Variants in ALDH18A1 observed in about 807,000 individuals in gnomAD.
ALDH18A1 encodes the protein delta-1-pyrroline-5-carboxylate synthase.
A neutral mutation model predicts 88.8 loss-of-function variants in ALDH18A1; 44 were observed. That is an observed-to-expected ratio of 0.50 (90% CI 0.39 to 0.64). ALDH18A1 has a LOEUF of 0.64. Ranked by LOEUF, ALDH18A1 falls within the 30% of genes least tolerant of loss-of-function variation. The pLI is 0.00. For synonymous variants in ALDH18A1, 331 were observed against 372.1 expected (o/e 0.89, Z 1.27); for missense variants, 782 against 1,009.5 (o/e 0.77, Z 3.05).
chr10:95,618,298 T>C (rs571938968), intron 12 of ALDH18A1, among the ~76,000 whole-genome samples: 17 of 152,260 alleles, frequency 1.1e-4, no homozygotes, highest in African/African-American at 3.6e-4. Flanking sequence ...GGCTGTGATA[T>C]GTCAACTTGC....
intron 13 of ALDH18A1, among the ~76,000 whole-genome samples, chr10:95,615,280 C>T (rs1275770200): frequency 1.3e-5 from 2 of 150,316 alleles, no homozygotes; most frequent in African/African-American, 4.9e-5. Flanking sequence ...TGCAGTGAGC[C>T]GAGAGCCAAG....
intron 12 of ALDH18A1, among the ~76,000 whole-genome samples, chr10:95,619,336 TCAATATCATGAAAATGGCCATACTGCC>T (rs2097848620): frequency 1.3e-5 from 2 of 152,130 alleles, no homozygotes; most frequent in Non-Finnish European, 2.9e-5. Flanking sequence ...ATAGGAAGAA[TCAATATCATGAAAATGGCCATACTGCC>T]CAAGGTAATT....
chr10:95,655,040 G>A (rs948550784), intron 1 of ALDH18A1, among the ~76,000 whole-genome samples: 8 of 152,088 alleles, frequency 5.3e-5, no homozygotes, highest in Admixed American at 2.6e-4. Flanking sequence ...TGGCAAAAAC[G>A]ATGAGGAACA....
chr10:95,607,218 C>T (rs2097824402), intron 17 of ALDH18A1, among the ~76,000 whole-genome samples: 1 of 152,172 alleles, frequency 6.6e-6, no homozygotes, highest in East Asian at 1.9e-4. Context: ...AATACAAGTG[C>T]TGTCTCTTTT....
At chr10:95,626,675 T>A (rs748387464) in intron 10 of ALDH18A1, 28 bp downstream of exon 10, 18 of 1,610,488 alleles carry the variant, frequency 1.1e-5, no homozygotes, top group Non-Finnish European at 1.5e-5. Context: ...CTGAAAACTA[T>A]AACAATATTA....
intron 7 of ALDH18A1, among the ~76,000 whole-genome samples, chr10:95,629,160 T>C (rs750214720): frequency 3.3e-5 from 5 of 152,124 alleles, no homozygotes; most frequent in Non-Finnish European, 7.4e-5. Flanking sequence ...TGAAAAACCC[T>C]CACAATTTCA....
intron 15 of ALDH18A1, among the ~76,000 whole-genome samples, chr10:95,612,347 G>A (rs2097836656): frequency 1.3e-5 from 2 of 152,176 alleles, no homozygotes; most frequent in South Asian, 4.1e-4. Flanking sequence ...TTCTGAGGCT[G>A]GTCACCGAGG....
intron 8 of ALDH18A1, 131 bp downstream of exon 8, chr10:95,628,237 A>C: frequency 3.7e-5 from 44 of 1,190,476 alleles, no homozygotes; most frequent in Non-Finnish European, 5.1e-5. Flanking sequence ...GTATTTAGGT[A>C]TGTACATATT....
At chr10:95,652,209 G>T (rs950268702) in intron 2 of ALDH18A1, among the ~76,000 whole-genome samples, 1 of 152,182 alleles carries the variant, frequency 6.6e-6, no homozygotes, top group African/African-American at 2.4e-5. Flanking sequence ...GTTGGCCAGG[G>T]GTTAGTAATA....
chr10:95,651,169 C>T (rs80239197), intron 2 of ALDH18A1, among the ~76,000 whole-genome samples: 8,852 of 152,104 alleles, frequency 0.058, 368 homozygotes, highest in Middle Eastern at 0.14. Context: ...GAGCTAAAGA[C>T]ATGAACTAAC....
intron 15 of ALDH18A1, among the ~76,000 whole-genome samples, chr10:95,613,387 C>T (rs2097838992): frequency 6.6e-6 from 1 of 151,964 alleles, no homozygotes; most frequent in African/African-American, 2.4e-5. Flanking sequence ...GTTTCTGCAC[C>T]ATCTTTTCAA....
intron 5 of ALDH18A1, among the ~76,000 whole-genome samples, chr10:95,634,122 A>G (rs1247134325): frequency 6.6e-6 from 1 of 152,172 alleles, no homozygotes; most frequent in Non-Finnish European, 1.5e-5. Flanking sequence ...AATCTGAAAG[A>G]TTTATTTAAG....
At chr10:95,607,976 T>A (rs1369427789) in intron 17 of ALDH18A1, among the ~76,000 whole-genome samples, 1 of 152,236 alleles carries the variant, frequency 6.6e-6, no homozygotes, top group African/African-American at 2.4e-5. Context: ...ACAGACCACA[T>A]GACTTTGGAC....
In ALDH18A1 at chr10:95,611,312, A is replaced by G. The variant is rs2139530175; in HGVS notation, c.2054T>C (p.Ile685Thr). The G allele has an allele frequency of 3.1e-6, 5 of 1,614,194 alleles. No homozygotes were observed. The highest frequency in any genetic ancestry group is 4.2e-6 in the Non-Finnish European group (5 of 1,180,030). The change falls in exon 16 of 18, where the codon ATT becomes ACT. Residue 685 changes from isoleucine (I) to threonine (T), a missense_variant. By Grantham distance (89) the Ile-to-Thr change is moderately conservative. Coordinates refer to ENST00000371224, the MANE Select transcript of ALDH18A1 (RefSeq NM_002860.4). Reference sequence around the variant, plus strand: ...GCTGCCATACTTGTGGATGTGGTCAATGGCATCCTGAACGTTGTCCACTAC... The same window carrying G: ...GCTGCCATACTTGTGGATGTGGTCAGTGGCATCCTGAACGTTGTCCACTAC... ...IEVVDNVQDA[I>T]DHIHKYGSSH...
chr10:95,606,462 T>G lies in ALDH18A1; in HGVS notation c.*300A>C. 8.1e-7 allele frequency: 1 copy of G among 1,238,840 alleles called. No individual in the cohort carries two copies. Among genetic ancestry groups the G allele is most frequent in the Non-Finnish European group, 1.0e-6 (1 of 979,770 alleles). 76.7% of individuals were successfully genotyped at this position (1,238,840 alleles called of 1,614,324 possible). A position where few individuals can be genotyped will look rare whatever the true frequency, so the allele number is the denominator to read the frequency against. On this transcript the variant is annotated 3_prime_UTR_variant, in exon 18 of 18. Transcript: ENST00000371224. ...TGAGGTGACACAAAGCAGCCATGGG[T>G]TTTCCTCGCCTTTTTTATGGGGAAA...
chr10:95,623,845 G>A (rs751842199), intron 11 of ALDH18A1, among the ~76,000 whole-genome samples: 16 of 151,716 alleles, frequency 1.1e-4, no homozygotes, highest in Admixed American at 2.0e-4. Flanking sequence ...GATTACAGGC[G>A]TGAGCCACTG....
chr10:95,649,634 C>T (rs1274443223), intron 2 of ALDH18A1, among the ~76,000 whole-genome samples: 1 of 151,972 alleles, frequency 6.6e-6, no homozygotes, highest in Non-Finnish European at 1.5e-5. Flanking sequence ...GGATTACAGG[C>T]GTGAGCCATC....
In ALDH18A1 at chr10:95,608,444, T is replaced by G. The variant is rs2097826866; in HGVS notation, c.2207-1501A>C. Among the ~76,000 whole-genome samples the G allele has an allele frequency of 2.0e-5, 3 of 152,252 alleles. No individual in the cohort carries two copies. The South Asian group carries it at 6.2e-4, about 32-fold the overall frequency. The stretch of plus-strand genomic sequence containing the variant: ...TAACCTTTTAACAATTTGGTGAGAA[T>G]TATTTCTCCAGGCAGATCATCTACT... On this transcript the variant is annotated intron_variant, in intron 17 of 17. Transcript: ENST00000371224.
At chr10:95,638,893 AAC>A (rs1342380362) in intron 3 of ALDH18A1, among the ~76,000 whole-genome samples, 2 of 151,504 alleles carry the variant, frequency 1.3e-5, no homozygotes, top group African/African-American at 2.4e-5. Flanking sequence ...TTTTTTTTGA[AAC>A]ACAGTCTTGC....
Sources: gnomAD v4.1 joint callset for allele counts (sites outside exome capture counted in the v4.1 genomes callset) on GRCh38, gnomAD v4.1.1 for gene constraint, MANE v1.5 for transcripts, NCBI Gene and HGNC (gene_info 2026-07-23, HGNC 2026-07-21) for gene names.